The following TRIM23 variants were observed in gnomAD, a reference collection of about 807,000 sequenced individuals.
TRIM23 encodes the protein tripartite motif containing 23.
A neutral mutation model predicts 71.0 loss-of-function variants in TRIM23; 27 were observed. The observed-to-expected ratio is 0.38, with a 90% CI of 0.28 to 0.52. The LOEUF is 0.52. Among genes scored for constraint, TRIM23 ranks in the 20% least tolerant of loss-of-function variants. The probability of loss-of-function intolerance (pLI) is 0.84; values close to 1 mark genes in which losing one functional copy is unlikely to be tolerated. For missense variants in TRIM23, 482 were observed against 692.3 expected (o/e 0.70, Z 3.41); for synonymous variants, 234 against 238.0 (o/e 0.98, Z 0.16).
At chr5:65,609,572 T>A (rs1023690895) in intron 5 of TRIM23, 114 bp from the exon 6 acceptor site, 1 of 1,155,108 alleles carries the variant, frequency 8.7e-7, no homozygotes, top group African/African-American at 1.6e-5. Flanking sequence ...CTACAAAAAA[T>A]GGAAAAAATT....
intron 1 of TRIM23, among the ~76,000 whole-genome samples, chr5:65,623,864 C>A (rs1021266146): frequency 6.6e-6 from 1 of 152,194 alleles, no homozygotes; most frequent in African/African-American, 2.4e-5. Context: ...GATGATGACT[C>A]AATTTATAAT....
chr5:65,613,803 CTT>C (rs1243974026), intron 3 of TRIM23: 2 of 1,307,244 alleles, frequency 1.5e-6, no homozygotes, highest in African/African-American at 3.0e-5. Flanking sequence ...GCTTACATAT[CTT>C]TCTTACTATT....
chr5:65,619,513 G>T (rs1754868218), intron 1 of TRIM23, among the ~76,000 whole-genome samples: 1 of 152,166 alleles, frequency 6.6e-6, no homozygotes. Flanking sequence ...ACCCAAGGCA[G>T]AAATCAGACT....
Position 65,591,541 on chromosome 5 carries a change from CAATA to C in TRIM23, c.*224_*227del, listed in dbSNP as rs1561738573. The C allele has an allele frequency of 2.1e-6, 3 of 1,460,094 alleles. No individual in the cohort carries two copies. Among genetic ancestry groups the C allele is most frequent in the Non-Finnish European group, 2.8e-6 (3 of 1,087,198 alleles). The allele number at this position is 1,460,094 out of a possible 1,614,324, so 90.4% of individuals were successfully genotyped here. ...TATACTTTTTAAAAGAATGTATATT[CAATA>C]AGTTTCTATTTAATTCAATCTAATC... On this transcript the variant is annotated 3_prime_UTR_variant, in exon 11 of 11. Coordinates refer to ENST00000231524, the MANE Select transcript of TRIM23 (RefSeq NM_001656.4).
At chr5:65,598,341 G>A (rs985187291) in intron 7 of TRIM23, among the ~76,000 whole-genome samples, 1 of 152,186 alleles carries the variant, frequency 6.6e-6, no homozygotes, top group Non-Finnish European at 1.5e-5. Flanking sequence ...AGTGAAAGGG[G>A]TAATAAAATT....
At chr5:65,598,595 C>T (rs1487606433) in intron 7 of TRIM23, among the ~76,000 whole-genome samples, 2 of 152,038 alleles carry the variant, frequency 1.3e-5, no homozygotes, top group Non-Finnish European at 2.9e-5. Flanking sequence ...ACTAAAAATA[C>T]AAAATTACCC....
chr5:65,600,174 C>T (rs972838558), intron 7 of TRIM23, among the ~76,000 whole-genome samples: 4 of 152,150 alleles, frequency 2.6e-5, no homozygotes, highest in African/African-American at 9.7e-5. Flanking sequence ...TCATGAGAAA[C>T]TGCCCCCATG....
intron 3 of TRIM23, 107 bp from the exon 4 acceptor site, chr5:65,611,988 A>T: frequency 9.5e-7 from 1 of 1,055,378 alleles, no homozygotes. Context: ...AACAATATTT[A>T]CATATGAAAA....
chr5:65,598,325 C>G (rs1274777471), intron 7 of TRIM23, among the ~76,000 whole-genome samples: 1 of 152,198 alleles, frequency 6.6e-6, no homozygotes, highest in Non-Finnish European at 1.5e-5. Flanking sequence ...ACCAAGAAGG[C>G]ATTCCAGTGA....
rs1754144037 is a variant in TRIM23, at chr5:65,594,602, A to G, written c.1464T>C (p.Ser488=). ...VVDSSHRDRI[S]EAHSELAKLL... The stretch of plus-strand genomic sequence containing the variant: ...ACTTTGCAAGTTCGCTGTGTGCTTC[A>G]CTAATTCTGTCTCTATGACTGCTAT... The change falls in exon 10 of 11, where the codon AGT becomes AGC. Residue 488 remains serine (S), a synonymous_variant. Coordinates refer to ENST00000231524, the MANE Select transcript of TRIM23 (RefSeq NM_001656.4). 3.1e-6 allele frequency: 5 copies of G among 1,612,204 alleles called. No individual in the cohort carries two copies. Among genetic ancestry groups the G allele is most frequent in the South Asian group, 1.1e-5 (1 of 90,634 alleles).
At chr5:65,595,332 C>T (rs991348630) in intron 9 of TRIM23, among the ~76,000 whole-genome samples, 5 of 151,746 alleles carry the variant, frequency 3.3e-5, no homozygotes, top group African/African-American at 4.8e-5. Flanking sequence ...CCAAGACGGG[C>T]GGATCACGAG....
chr5:65,623,938 T>C (rs774489465), intron 1 of TRIM23, among the ~76,000 whole-genome samples: 1 of 152,234 alleles, frequency 6.6e-6, no homozygotes, highest in Non-Finnish European at 1.5e-5. Context: ...AAGACCGGTC[T>C]AGGTCACTGC....
chr5:65,606,595 G>C (rs926461359), intron 6 of TRIM23, among the ~76,000 whole-genome samples: 14 of 151,942 alleles, frequency 9.2e-5, no homozygotes, highest in Admixed American at 1.3e-4. Flanking sequence ...CTCCAGTCAA[G>C]AGGCCTATTT....
At chr5:65,620,540 A>G (rs1471714224) in intron 1 of TRIM23, among the ~76,000 whole-genome samples, 1 of 151,766 alleles carries the variant, frequency 6.6e-6, no homozygotes, top group Non-Finnish European at 1.5e-5. Flanking sequence ...AAAGAAAAAT[A>G]ATAGAATATA....
chr5:65,602,164 G>A (rs746712220), intron 7 of TRIM23, among the ~76,000 whole-genome samples: 9 of 151,994 alleles, frequency 5.9e-5, no homozygotes, highest in Admixed American at 1.3e-4. Context: ...AAACTTTTAC[G>A]CTCTGCTTCC....
chr5:65,596,522 A>G lies in TRIM23; in HGVS notation c.1319T>C (p.Val440Ala). 6.3e-7 allele frequency: 1 copy of G among 1,593,802 alleles called. No homozygotes were observed. Among genetic ancestry groups the G allele is most frequent in the East Asian group, 2.2e-5 (1 of 44,640 alleles). The change falls in exon 9 of 11, where the codon GTG (valine) becomes GCG (alanine). Residue 440 changes from valine (V) to alanine (A), a missense_variant. Val to Ala is a moderately conservative substitution (Grantham distance 64). This residue lies in a region of TRIM23 where 307 missense variants were observed against 495.8 expected (regional missense o/e 0.62). Transcript: ENST00000231524. ...TAGATTTTTATATTCTACAGTTTCC[A>G]CGTTAAAACCTGTTTTAAAAAAAAA... ...MQPIPTIGFN[V>A]ETVEYKNLKF...
chr5:65,592,142 G>A (rs548696034), intron 10 of TRIM23, among the ~76,000 whole-genome samples, 194 bp from the exon 11 acceptor site: 16 of 152,140 alleles, frequency 1.1e-4, no homozygotes, highest in Admixed American at 2.0e-4. Flanking sequence ...ATTTATATGT[G>A]TGTGTATGTA....
chr5:65,607,153 T>C (rs1754530460), intron 6 of TRIM23: 1 of 152,244 alleles, frequency 6.6e-6, no homozygotes, highest in African/African-American at 2.4e-5. Flanking sequence ...TGTTCAATTT[T>C]CTCTGTAGTG....
chr5:65,592,134 TTA>T (rs1191383271), intron 10 of TRIM23, among the ~76,000 whole-genome samples, 186 bp from the exon 11 acceptor site: 1 of 152,168 alleles, frequency 6.6e-6, no homozygotes, highest in African/African-American at 2.4e-5. Context: ...TTTAACTAAT[TTA>T]TATGTGTGTG....
Sources: allele counts gnomAD v4.1 joint callset (sites outside exome capture counted in the v4.1 genomes callset), GRCh38; gene constraint gnomAD v4.1.1; regional missense constraint gnomAD v4.1.1; transcripts MANE v1.5; gene names NCBI Gene and HGNC (gene_info 2026-07-23, HGNC 2026-07-21).